The following IL1RAPL1 variants were observed in gnomAD, a reference collection of about 807,000 sequenced individuals.
The protein encoded by IL1RAPL1 is interleukin-1 receptor accessory protein-like 1.
In IL1RAPL1, 3 loss-of-function variants were observed where a neutral mutation model predicts 48.4. That is an observed-to-expected ratio of 0.06 (90% CI 0.03 to 0.16). The LOEUF is 0.16. Among genes scored for constraint, IL1RAPL1 ranks in the 10% least tolerant of loss-of-function variants. The pLI, the probability that IL1RAPL1 is intolerant of heterozygous loss-of-function variation, is 1.00. For missense variants in IL1RAPL1, 349 were observed against 530.6 expected (o/e 0.66, Z 3.36); for synonymous variants, 185 against 187.7 (o/e 0.99, Z 0.12).
intron 6 of IL1RAPL1, among the ~76,000 whole-genome samples, chrX:29,846,651 G>T (rs1225465776): frequency 9.2e-6 from 1 of 108,732 alleles, no homozygotes; most frequent in Non-Finnish European, 1.9e-5. Context: ...AGTTTCTTAG[G>T]AGATACTTTA....
intron 5 of IL1RAPL1, among the ~76,000 whole-genome samples, chrX:29,541,941 AT>A (rs1267707834): frequency 2.7e-5 from 3 of 111,501 alleles, no homozygotes; most frequent in East Asian, 5.6e-4. Context: ...GTTGAAAAAA[AT>A]GACATAAAAT....
intron 1 of IL1RAPL1, among the ~76,000 whole-genome samples, chrX:28,715,377 T>C (rs1205039672): frequency 8.9e-6 from 1 of 111,936 alleles, no homozygotes; most frequent in African/African-American, 3.2e-5. Flanking sequence ...TACCAGAATC[T>C]CTGGCACACA....
At chrX:29,385,299 A>G (rs886674382) in intron 3 of IL1RAPL1, among the ~76,000 whole-genome samples, 19 of 112,057 alleles carry the variant, frequency 1.7e-4, no homozygotes, top group African/African-American at 5.8e-4. Context: ...TACTAAAAAT[A>G]CAAAATTAGC....
intron 6 of IL1RAPL1, among the ~76,000 whole-genome samples, chrX:29,905,807 G>A (rs1310151411): frequency 9.0e-6 from 1 of 111,379 alleles, no homozygotes; most frequent in Admixed American, 9.6e-5. Context: ...CACACAGATG[G>A]AAGAATGAAT....
chrX:29,344,479 A>G (rs1382796155), intron 3 of IL1RAPL1, among the ~76,000 whole-genome samples: 10 of 111,569 alleles, frequency 9.0e-5, no homozygotes, highest in Non-Finnish European at 1.9e-4. Flanking sequence ...AGTATTTATA[A>G]ATTTCATACA....
At chrX:29,854,747 C>G (rs1243368666) in intron 6 of IL1RAPL1, among the ~76,000 whole-genome samples, 1 of 110,670 alleles carries the variant, frequency 9.0e-6, no homozygotes, top group African/African-American at 3.3e-5. Context: ...CAGTACAAAG[C>G]GAGGCACAGA....
intron 2 of IL1RAPL1, among the ~76,000 whole-genome samples, chrX:29,223,639 G>A (rs1282786886): frequency 2.8e-5 from 3 of 107,618 alleles, no homozygotes; most frequent in African/African-American, 1.0e-4. Context: ...CCGCCTCCCC[G>A]GTTCAAGAGA....
intron 2 of IL1RAPL1, among the ~76,000 whole-genome samples, chrX:29,180,297 T>C (rs956627350): frequency 3.6e-5 from 4 of 111,230 alleles, no homozygotes; most frequent in African/African-American, 1.3e-4. Flanking sequence ...TATTATTAAA[T>C]ATTTTTAATC....
At chrX:29,573,599 T>C (rs1922665800) in intron 5 of IL1RAPL1, among the ~76,000 whole-genome samples, 1 of 112,263 alleles carries the variant, frequency 8.9e-6, no homozygotes, top group Non-Finnish European at 1.9e-5. Context: ...TTGAAAGATT[T>C]ACCAGTTTTA....
intron 6 of IL1RAPL1, among the ~76,000 whole-genome samples, chrX:29,903,065 G>A (rs1474891732): frequency 9.1e-6 from 1 of 110,173 alleles, no homozygotes; most frequent in African/African-American, 3.3e-5. Context: ...AGAACTATCT[G>A]TGCTTTGATA....
intron 6 of IL1RAPL1, among the ~76,000 whole-genome samples, chrX:29,789,059 C>T (rs1929570811): frequency 8.9e-6 from 1 of 112,029 alleles, no homozygotes; most frequent in South Asian, 3.7e-4. Context: ...ACTACATTTG[C>T]ATATGCTTAA....
chrX:29,519,963 C>T (rs1201855100), intron 5 of IL1RAPL1, among the ~76,000 whole-genome samples: 1 of 111,714 alleles, frequency 9.0e-6, no homozygotes, highest in East Asian at 2.8e-4. Context: ...GGATCACCTC[C>T]CAAGTGAATT....
chrX:29,879,477 A>T (rs1030267179), intron 6 of IL1RAPL1, among the ~76,000 whole-genome samples: 15 of 107,742 alleles, frequency 1.4e-4, no homozygotes, highest in African/African-American at 5.0e-4. Context: ...AAGAGAAAAA[A>T]AGGTAATTTC....
At chrX:29,110,720 A>G (rs762616707) in intron 2 of IL1RAPL1, among the ~76,000 whole-genome samples, 4 of 111,994 alleles carry the variant, frequency 3.6e-5, no homozygotes, top group Non-Finnish European at 5.6e-5. Flanking sequence ...TGTAACGCAC[A>G]TATGGGACAT....
chrX:29,418,081 T>A (rs1273622960), intron 5 of IL1RAPL1, among the ~76,000 whole-genome samples: 5 of 94,815 alleles, frequency 5.3e-5, no homozygotes, highest in African/African-American at 1.9e-4. Context: ...GTGTTCTTTT[T>A]AAAAAAGTAA....
chrX:29,339,859 C>T (rs1933048862), intron 3 of IL1RAPL1, among the ~76,000 whole-genome samples: 1 of 111,802 alleles, frequency 8.9e-6, no homozygotes, highest in African/African-American at 3.3e-5. Context: ...TTTGAGGACC[C>T]TGACAGTTTT....
intron 2 of IL1RAPL1, among the ~76,000 whole-genome samples, chrX:29,204,730 C>T (rs1377921653): frequency 9.0e-6 from 1 of 111,531 alleles, no homozygotes; most frequent in Non-Finnish European, 1.9e-5. Flanking sequence ...GTTATGAGTT[C>T]CCTATACATT....
chrX:29,675,309 A>C (rs1435407283), intron 6 of IL1RAPL1, among the ~76,000 whole-genome samples: 1 of 112,243 alleles, frequency 8.9e-6, no homozygotes, highest in Non-Finnish European at 1.9e-5. Flanking sequence ...ACTTTCCAAA[A>C]GGGCCAGAAG....
chrX:29,637,269 T>TTA (rs1924999663), intron 5 of IL1RAPL1, among the ~76,000 whole-genome samples: 2 of 92,066 alleles, frequency 2.2e-5, no homozygotes, highest in Non-Finnish European at 2.1e-5. Flanking sequence ...ATCTCTTATG[T>TTA]TATATATATA....
Sources: gnomAD v4.1 joint callset for allele counts (sites outside exome capture counted in the v4.1 genomes callset) on GRCh38, gnomAD v4.1.1 for gene constraint, MANE v1.5 for transcripts, NCBI Gene and HGNC (gene_info 2026-07-23, HGNC 2026-07-21) for gene names.